Variants in KIF26B observed in about 807,000 individuals in gnomAD.
KIF26B encodes the protein kinesin family member 26B, also known as kinesin-like protein KIF26B.
A neutral mutation model predicts 151.2 loss-of-function variants in KIF26B; 63 were observed. The observed-to-expected ratio is 0.42, with a 90% CI of 0.34 to 0.51. KIF26B has a LOEUF of 0.51. Among genes scored for constraint, KIF26B ranks in the 20% least tolerant of loss-of-function variants. The pLI is 0.07. For synonymous variants in KIF26B, 1,357 were observed against 1,262.1 expected, an observed-to-expected ratio of 1.08 and a Z score of -1.59; for missense variants, 2,813 against 2,913.6, an observed-to-expected ratio of 0.97 and a Z score of 0.79.
At chr1:245,264,316 A>G (rs186423885) in intron 2 of KIF26B, among the ~76,000 whole-genome samples, 12 of 152,320 alleles carry the variant, frequency 7.9e-5, no homozygotes, top group Admixed American at 5.2e-4. Context: ...AAATGTGACA[A>G]TGTACGTAAA....
chr1:245,386,603 AAC>A (rs1253974982), intron 3 of KIF26B, among the ~76,000 whole-genome samples: 3 of 152,174 alleles, frequency 2.0e-5, no homozygotes, highest in Non-Finnish European at 4.4e-5. Flanking sequence ...GGCGTAGGTA[AAC>A]ACAGCAAGGC....
intron 3 of KIF26B, among the ~76,000 whole-genome samples, chr1:245,403,546 G>C (rs569850101): frequency 6.6e-6 from 1 of 152,270 alleles, no homozygotes; most frequent in East Asian, 1.9e-4. Flanking sequence ...TGGGGTGTGT[G>C]TGTGTGCGCG....
chr1:245,510,465 C>T (rs897001257), intron 4 of KIF26B, among the ~76,000 whole-genome samples: 2 of 152,132 alleles, frequency 1.3e-5, no homozygotes, highest in Non-Finnish European at 2.9e-5. Context: ...ATTTTAAACA[C>T]TTGATTTTGA....
intron 4 of KIF26B, among the ~76,000 whole-genome samples, chr1:245,481,511 C>T (rs1480685410): frequency 6.6e-6 from 1 of 151,888 alleles, no homozygotes; most frequent in Non-Finnish European, 1.5e-5. Flanking sequence ...GATGTGTATC[C>T]AGCATCACTG....
chr1:245,400,873 C>T lies in KIF26B; in HGVS notation c.1000-18706C>T, dbSNP rs1237548750. ...CTCCCATTATATTTCTGTTGGAAAG[C>T]TCAGCTCTAGAAGGAAAGAAAATAC... On this transcript the variant is annotated intron_variant, in intron 3 of 14. Transcript: ENST00000407071. Among the ~76,000 whole-genome samples, 6 of 152,052 alleles carry T rather than the reference C, an allele frequency of 3.9e-5. No homozygotes were observed. In the East Asian group the frequency reaches 9.7e-4, roughly 24 times the overall value.
At chr1:245,678,831 C>G (rs2044389912) in intron 10 of KIF26B, among the ~76,000 whole-genome samples, 3 of 151,768 alleles carry the variant, frequency 2.0e-5, no homozygotes, top group Admixed American at 6.6e-5. Context: ...CTACTGCACT[C>G]CAGCCCGGGT....
rs1313966584 is a variant in KIF26B, at chr1:245,170,458, T to G, written c.465+13775T>G. Among the ~76,000 whole-genome samples, 1 of 152,124 alleles carries G rather than the reference T, an allele frequency of 6.6e-6. No individual in the cohort carries two copies. Among genetic ancestry groups the G allele is most frequent in the Non-Finnish European group, 1.5e-5 (1 of 68,028 alleles). ...CCAGGTGTTCCAGGGACGAAACTTA[T>G]CAGAACCAAACATAGAGGGCAAATG... On this transcript the variant is annotated intron_variant, in intron 2 of 14. Transcript: ENST00000407071. This position sits in a 1 kb window ranked among gnomAD's most constrained non-coding sequence, Gnocchi z 4.4.
intron 9 of KIF26B, among the ~76,000 whole-genome samples, chr1:245,616,320 C>G (rs762884810): frequency 1.3e-5 from 2 of 152,192 alleles, no homozygotes; most frequent in African/African-American, 4.8e-5. Context: ...CTCTGCTTTG[C>G]GAAGCTAAAT....
rs193199026 is a variant in KIF26B, at chr1:245,702,396, G to A, written c.6179-62G>A. 1,059 of 1,592,608 alleles carry A rather than the reference G, an allele frequency of 6.6e-4. 6 individuals carry two copies. In the African/African-American group the frequency reaches 0.013, roughly 20 times the overall value. On this transcript the variant is annotated intron_variant, in intron 14 of 14. Transcript: ENST00000407071. This position sits in a 1 kb window ranked among gnomAD's most constrained non-coding sequence, Gnocchi z 4.1. ...GGGGGTGGCAGCTCCAGGCTGAGCC[G>A]TCGGGAGTTGCTTCTCACCCTGTTT...
intron 2 of KIF26B, among the ~76,000 whole-genome samples, chr1:245,280,561 C>A (rs1300423631): frequency 1.7e-5 from 2 of 117,672 alleles, no homozygotes; most frequent in South Asian, 2.6e-4. Context: ...TTATTTTAGG[C>A]AGATAAAGAG....
intron 5 of KIF26B, among the ~76,000 whole-genome samples, chr1:245,554,792 G>A (rs960779270): frequency 6.6e-6 from 1 of 152,202 alleles, no homozygotes; most frequent in Non-Finnish European, 1.5e-5. Context: ...TTAGCGCTTT[G>A]ATGTGCTGCA....
chr1:245,658,463 A>G (rs975497036), intron 10 of KIF26B, among the ~76,000 whole-genome samples: 1 of 152,194 alleles, frequency 6.6e-6, no homozygotes, highest in African/African-American at 2.4e-5. Flanking sequence ...CAGTGACACC[A>G]ACAAGGCTCG....
At chr1:245,390,367 G>A (rs985624805) in intron 3 of KIF26B, among the ~76,000 whole-genome samples, 3 of 152,008 alleles carry the variant, frequency 2.0e-5, no homozygotes, top group Non-Finnish European at 2.9e-5. Context: ...ACAGGTGCCC[G>A]CCACCATGCC....
intron 2 of KIF26B, among the ~76,000 whole-genome samples, chr1:245,213,708 T>G (rs1573712152): frequency 2.6e-5 from 4 of 152,326 alleles, no homozygotes; most frequent in Admixed American, 2.6e-4. Flanking sequence ...GTGGTGTGGA[T>G]GCACACGTGA....
chr1:245,451,511 A>G (rs1659389487), intron 4 of KIF26B, among the ~76,000 whole-genome samples: 1 of 149,056 alleles, frequency 6.7e-6, no homozygotes, highest in African/African-American at 2.5e-5. Flanking sequence ...TGTATAGCCA[A>G]TTTTTATGAA....
chr1:245,423,519 A>G (rs1658546739), intron 4 of KIF26B, among the ~76,000 whole-genome samples: 1 of 151,544 alleles, frequency 6.6e-6, no homozygotes, highest in Non-Finnish European at 1.5e-5. Flanking sequence ...ATGATTGCTT[A>G]TAAAACAGGT....
At chr1:245,515,130 CT>C (rs774296783) in intron 4 of KIF26B, among the ~76,000 whole-genome samples, 11 of 152,188 alleles carry the variant, frequency 7.2e-5, no homozygotes, top group Non-Finnish European at 1.5e-4. Context: ...TGATCACCCC[CT>C]CTTCCATGCT....
intron 12 of KIF26B, among the ~76,000 whole-genome samples, chr1:245,694,015 ACC>A (rs1163141029): frequency 1.3e-5 from 2 of 152,138 alleles, no homozygotes; most frequent in Non-Finnish European, 2.9e-5. Context: ...TTAGAATAGA[ACC>A]CCAAAGAGAG....
intron 3 of KIF26B, among the ~76,000 whole-genome samples, chr1:245,408,045 T>C (rs10924195): frequency 0.28 from 42,062 of 151,984 alleles, 10,244 homozygotes; most frequent in African/African-American, 0.66. Flanking sequence ...TGGTAGCCTT[T>C]GCCCAATAGA....
Sources: gnomAD v4.1 joint callset for allele counts (sites outside exome capture counted in the v4.1 genomes callset) on GRCh38, gnomAD v4.1.1 for gene constraint, Gnocchi (gnomAD v3.1) non-coding constraint, MANE v1.5 for transcripts, NCBI Gene and HGNC (gene_info 2026-07-23, HGNC 2026-07-21) for gene names.